The following COL8A1 variants were observed in gnomAD, a reference collection of about 807,000 sequenced individuals.
COL8A1 encodes the protein collagen type VIII alpha 1 chain.
In COL8A1, 21 loss-of-function variants were observed where a neutral mutation model predicts 42.7. The observed-to-expected ratio is 0.49, with a 90% confidence interval of 0.35 to 0.71. COL8A1 has a LOEUF of 0.71. Ranked by LOEUF, COL8A1 falls within the 30% of genes least tolerant of loss-of-function variation. The pLI is 0.01. For missense variants in COL8A1, 788 were observed against 962.4 expected (o/e 0.82, Z 2.40); for synonymous variants, 367 against 369.1 (o/e 0.99, Z 0.06).
chr3:99,787,230 A>G (rs1156607083), intron 2 of COL8A1, among the ~76,000 whole-genome samples: 1 of 152,196 alleles, frequency 6.6e-6, no homozygotes, highest in Non-Finnish European at 1.5e-5. Context: ...TTACTCTGTT[A>G]TGTACATTAC....
intron 2 of COL8A1, among the ~76,000 whole-genome samples, chr3:99,752,216 G>C (rs938618679): frequency 2.0e-5 from 3 of 152,120 alleles, no homozygotes; most frequent in Non-Finnish European, 4.4e-5. Context: ...AACTAGCACA[G>C]TGTGGACATG....
At chr3:99,751,491 G>A (rs1941147763) in intron 2 of COL8A1, among the ~76,000 whole-genome samples, 1 of 152,144 alleles carries the variant, frequency 6.6e-6, no homozygotes, top group Admixed American at 6.5e-5. Context: ...CCAGGCAGGT[G>A]GAGGTTGCAG....
chr3:99,666,976 G>A (rs1010961742), intron 1 of COL8A1, among the ~76,000 whole-genome samples: 1 of 152,136 alleles, frequency 6.6e-6, no homozygotes, highest in Non-Finnish European at 1.5e-5. Context: ...TCTGTGGAGA[G>A]CATTTATTAT....
chr3:99,721,445 GGGGAAGGGAAGGACA>G (rs1559617508), intron 1 of COL8A1, among the ~76,000 whole-genome samples: 3 of 146,274 alleles, frequency 2.1e-5, no homozygotes, highest in Non-Finnish European at 4.5e-5. Flanking sequence ...GGAAGGGGAA[GGGGAAGGGAAGGACA>G]GGGAAGGGAA....
chr3:99,727,001 G>C (rs1316476822), intron 1 of COL8A1, among the ~76,000 whole-genome samples: 5 of 133,700 alleles, frequency 3.7e-5, no homozygotes, highest in Admixed American at 7.8e-5. Flanking sequence ...AATTACCTTG[G>C]GCAGTATGGC....
chr3:99,746,507 T>C (rs977113299), intron 2 of COL8A1, among the ~76,000 whole-genome samples: 1 of 152,108 alleles, frequency 6.6e-6, no homozygotes, highest in African/African-American at 2.4e-5. Flanking sequence ...GCCAAGGGCA[T>C]TGATGAGCTC....
chr3:99,761,915 G>A (rs1308944690), intron 2 of COL8A1, among the ~76,000 whole-genome samples: 3 of 152,106 alleles, frequency 2.0e-5, no homozygotes, highest in African/African-American at 7.2e-5. Context: ...AGGTTTCGTG[G>A]AATTTTTATT....
Position 99,756,080 on chromosome 3 carries a change from A to G in COL8A1, c.-4+11059A>G, listed in dbSNP as rs144949124. ...AGGATACATTTTCATTAAAGAGATC[A>G]TAAAACTTGCAGATGGATTGGATGT... On this transcript the variant is annotated intron_variant, in intron 2 of 3. Coordinates refer to ENST00000652472, the MANE Select transcript of COL8A1 (RefSeq NM_020351.4). Among the ~76,000 whole-genome samples, 672 of 152,058 alleles carry G rather than the reference A, an allele frequency of 4.4e-3. 6 individuals carry two copies. The highest frequency in any genetic ancestry group is 0.015 in the African/African-American group (632 of 41,452).
intron 1 of COL8A1, among the ~76,000 whole-genome samples, chr3:99,654,609 G>A (rs1019951117): frequency 2.6e-5 from 4 of 152,016 alleles, no homozygotes; most frequent in African/African-American, 4.8e-5. Context: ...GCAACATGGC[G>A]AAACTCCATC....
intron 1 of COL8A1, among the ~76,000 whole-genome samples, chr3:99,682,283 G>A (rs551277977): frequency 3.9e-5 from 6 of 152,202 alleles, no homozygotes; most frequent in Admixed American, 1.3e-4. Flanking sequence ...TGGGCCTGGC[G>A]GTGCACGCCT....
intron 2 of COL8A1, among the ~76,000 whole-genome samples, chr3:99,752,489 C>T (rs1184945284): frequency 3.9e-5 from 6 of 152,008 alleles, no homozygotes; most frequent in African/African-American, 1.5e-4. Flanking sequence ...ATTCTGATCC[C>T]TCTCCCCAAA....
In COL8A1 at chr3:99,733,645, G is replaced by A. The variant is rs913480147; in HGVS notation, c.-128-11252G>A. Among the ~76,000 whole-genome samples, 151 of 151,932 alleles carry A rather than the reference G, an allele frequency of 9.9e-4. 1 individual carries two copies. The highest frequency in any genetic ancestry group is 3.5e-3 in the African/African-American group (143 of 41,398). On this transcript the variant is annotated intron_variant, in intron 1 of 3. Coordinates refer to ENST00000652472, the MANE Select transcript of COL8A1 (RefSeq NM_020351.4). ...TGTCTTTATAGCAGCATGATTTATA[G>A]TCCTTTGGGTATATACCCAGTAATG...
chr3:99,655,535 A>G (rs1937991257), intron 1 of COL8A1, among the ~76,000 whole-genome samples: 1 of 152,224 alleles, frequency 6.6e-6, no homozygotes, highest in Non-Finnish European at 1.5e-5. Context: ...GTAAACGCTC[A>G]TTGGGTAAAC....
At chr3:99,773,837 A>ATATTATATATATATATATATATTTT (rs1200212756) in intron 2 of COL8A1, among the ~76,000 whole-genome samples, 2 of 45,402 alleles carry the variant, frequency 4.4e-5, no homozygotes, top group African/African-American at 1.3e-4. Context: ...ATATATATAT[A>ATATTATATATATATATATATATTTT]TTTTTTTTTT....
Position 99,794,749 on chromosome 3 carries a change from A to T in COL8A1, c.848A>T (p.Gln283Leu), listed in dbSNP as rs757923000. ...KPGVTGFPGP[Q>L]GPLGKPGAPG... ...GGAGTGACAGGCTTCCCTGGGCCCCAGGGCCCCCTGGGAAAGCCAGGGGCT... is the reference window on the plus strand; with the variant it reads ...GGAGTGACAGGCTTCCCTGGGCCCCTGGGCCCCCTGGGAAAGCCAGGGGCT... The change falls in exon 4 of 4, where the codon CAG (glutamine) becomes CTG (leucine). Residue 283 changes from glutamine (Q) to leucine (L), a missense_variant. By Grantham distance (113) the Gln-to-Leu change is moderately radical. Around this residue, in one of 4 missense-constraint regions of COL8A1, gnomAD observed 421 missense variants for 553.1 expected, o/e 0.76. Transcript: ENST00000652472. The surrounding 1 kb of genome is among the most constrained non-coding windows in gnomAD (Gnocchi z 4.3). 4 of 1,598,856 alleles carry T rather than the reference A, an allele frequency of 2.5e-6. No individual in the cohort carries two copies. The Admixed American group carries it at 7.2e-5, about 29-fold the overall frequency.
At chr3:99,706,123 C>T (rs1939674561) in intron 1 of COL8A1, among the ~76,000 whole-genome samples, 1 of 152,066 alleles carries the variant, frequency 6.6e-6, no homozygotes, top group South Asian at 2.1e-4. Flanking sequence ...AAGGAGAGGG[C>T]AACATCGTCT....
intron 1 of COL8A1, among the ~76,000 whole-genome samples, chr3:99,728,528 C>A (rs1410275499): frequency 1.3e-5 from 2 of 151,980 alleles, no homozygotes. Context: ...TTAGCTCTTA[C>A]TGAATACATA....
At chr3:99,751,444 G>A (rs1941146435) in intron 2 of COL8A1, among the ~76,000 whole-genome samples, 1 of 152,160 alleles carries the variant, frequency 6.6e-6, no homozygotes, top group Non-Finnish European at 1.5e-5. Context: ...TGTAATCCCA[G>A]CTACTTGGGA....
intron 2 of COL8A1, among the ~76,000 whole-genome samples, chr3:99,766,159 C>T (rs1941459295): frequency 6.6e-6 from 1 of 152,220 alleles, no homozygotes; most frequent in African/African-American, 2.4e-5. Flanking sequence ...TATTGAGTTT[C>T]TGCTAATTGT....
Sources: allele counts gnomAD v4.1 joint callset (sites outside exome capture counted in the v4.1 genomes callset), GRCh38; gene constraint gnomAD v4.1.1; regional missense constraint gnomAD v4.1.1; non-coding constraint Gnocchi (gnomAD v3.1); transcripts MANE v1.5; gene names NCBI Gene and HGNC (gene_info 2026-07-23, HGNC 2026-07-21).